Variants in FOXP2 observed in about 807,000 individuals in gnomAD.
FOXP2 encodes forkhead box protein P2.
A neutral mutation model predicts 115.8 loss-of-function variants in FOXP2; 12 were observed. The ratio of observed to expected loss-of-function variants is 0.10; its 90% confidence interval spans 0.07 to 0.17. The LOEUF is 0.17. Ranked by LOEUF, FOXP2 falls within the 10% of genes least tolerant of loss-of-function variation. The probability of loss-of-function intolerance (pLI) is 1.00; values close to 1 mark genes in which losing one functional copy is unlikely to be tolerated. For synonymous variants in FOXP2, 328 were observed against 297.7 expected, an observed-to-expected ratio of 1.10 and a Z score of -1.05; for missense variants, 629 against 843.5, an observed-to-expected ratio of 0.75 and a Z score of 3.15.
chr7:114,264,778 C>A (rs914483730), intron 1 of FOXP2, among the ~76,000 whole-genome samples: 1 of 152,042 alleles, frequency 6.6e-6, no homozygotes, highest in African/African-American at 2.4e-5. Flanking sequence ...CCTCAGGGAG[C>A]TTTTACTCAT....
intron 1 of FOXP2, among the ~76,000 whole-genome samples, chr7:114,123,400 A>G (rs1340659672): frequency 6.6e-6 from 1 of 151,472 alleles, no homozygotes; most frequent in African/African-American, 2.4e-5. Flanking sequence ...AAGAACCACC[A>G]TATTTCTGAG....
At chr7:114,158,602 T>C (rs1792735450), upstream of FOXP2, among the ~76,000 whole-genome samples, 1 of 152,138 alleles carries the variant, frequency 6.6e-6, no homozygotes, top group African/African-American at 2.4e-5. Context: ...CCTTGCCTAA[T>C]TAATATTTTT....
chr7:114,550,791 A>ATT (rs1341225599), intron 3 of FOXP2, among the ~76,000 whole-genome samples: 1 of 152,200 alleles, frequency 6.6e-6, no homozygotes, highest in Admixed American at 6.5e-5. Context: ...AATAGCCTTA[A>ATT]TTTACAGTAT....
At chr7:114,573,591 T>A (rs1801428297) in intron 3 of FOXP2, among the ~76,000 whole-genome samples, 1 of 151,794 alleles carries the variant, frequency 6.6e-6, no homozygotes, top group Admixed American at 6.6e-5. Flanking sequence ...CCCTACATAA[T>A]GCCTATCAAA....
At chr7:114,198,557 G>T (rs986882658) in intron 1 of FOXP2, among the ~76,000 whole-genome samples, 1 of 152,172 alleles carries the variant, frequency 6.6e-6, no homozygotes, top group African/African-American at 2.4e-5. Context: ...AATAGGGCTC[G>T]CACTTCCGTG....
chr7:114,313,272 C>T (rs946108182), intron 2 of FOXP2, among the ~76,000 whole-genome samples: 2 of 152,152 alleles, frequency 1.3e-5, no homozygotes, highest in African/African-American at 4.8e-5. Flanking sequence ...TTATTTGGCT[C>T]AGTGGTAACA....
chr7:114,280,652 C>T (rs1308153716), intron 1 of FOXP2, among the ~76,000 whole-genome samples: 1 of 151,882 alleles, frequency 6.6e-6, no homozygotes, highest in Non-Finnish European at 1.5e-5. Flanking sequence ...ATTTTATTGC[C>T]AGTAATATTT....
chr7:114,684,359 G>A (rs1431712682), intron 16 of FOXP2, among the ~76,000 whole-genome samples: 3 of 152,164 alleles, frequency 2.0e-5, no homozygotes, highest in Non-Finnish European at 4.4e-5. Context: ...GGACCTCCGA[G>A]GTCTTCTCAA....
chr7:114,455,348 A>G lies in FOXP2; in HGVS notation c.168+28669A>G, dbSNP rs532196968. On this transcript the variant is annotated intron_variant, in intron 2 of 16. Transcript: ENST00000350908. Reference sequence around the variant, plus strand: ...AATGCTAAGTCTTTTTCCTAACCATATCTAGAACCATTTGCCATTGTGTAT... The same window carrying G: ...AATGCTAAGTCTTTTTCCTAACCATGTCTAGAACCATTTGCCATTGTGTAT... Among the ~76,000 whole-genome samples, 5 of 152,286 alleles carry G rather than the reference A, an allele frequency of 3.3e-5. No homozygotes were observed. The South Asian group carries it at 1.0e-3, about 32-fold the overall frequency.
At chr7:114,187,893 G>A (rs183561662) in intron 1 of FOXP2, among the ~76,000 whole-genome samples, 3 of 152,290 alleles carry the variant, frequency 2.0e-5, no homozygotes, top group Admixed American at 2.0e-4. Context: ...GAATGGTTTA[G>A]AGAGAGCGAA....
chr7:114,146,963 A>T (rs1792387127), intron 1 of FOXP2, among the ~76,000 whole-genome samples: 1 of 152,176 alleles, frequency 6.6e-6, no homozygotes, highest in South Asian at 2.1e-4. Context: ...TAGATGAATA[A>T]TCTTAGCAGT....
intron 1 of FOXP2, among the ~76,000 whole-genome samples, chr7:114,244,452 G>A (rs1416202047): frequency 6.6e-6 from 1 of 152,068 alleles, no homozygotes; most frequent in Admixed American, 6.5e-5. Context: ...ATTGTTTTGA[G>A]AATATCTGTA....
At chr7:114,317,894 C>T (rs1322231744) in intron 2 of FOXP2, among the ~76,000 whole-genome samples, 1 of 152,222 alleles carries the variant, frequency 6.6e-6, no homozygotes, top group Admixed American at 6.5e-5. Flanking sequence ...TATGCTCCCA[C>T]CTCGGGGCCT....
At chr7:114,513,861 CA>C (rs1267282711) in intron 2 of FOXP2, among the ~76,000 whole-genome samples, 2 of 151,862 alleles carry the variant, frequency 1.3e-5, no homozygotes, top group Admixed American at 6.6e-5. Flanking sequence ...ATATCACAAA[CA>C]AAAGGCATAC....
At chr7:114,165,961 A>G (rs1792971256) in intron 1 of FOXP2, among the ~76,000 whole-genome samples, 1 of 152,238 alleles carries the variant, frequency 6.6e-6, no homozygotes, top group African/African-American at 2.4e-5. Flanking sequence ...ACCCACACAA[A>G]TATAGTCAAT....
intron 16 of FOXP2, among the ~76,000 whole-genome samples, chr7:114,682,782 A>G (rs1808163493): frequency 6.6e-6 from 1 of 152,182 alleles, no homozygotes; most frequent in Admixed American, 6.5e-5. Context: ...ATAACTTGAC[A>G]AGTGAAAACA....
At chr7:114,646,358 C>G (rs533730091) in intron 8 of FOXP2, among the ~76,000 whole-genome samples, 1 of 152,006 alleles carries the variant, frequency 6.6e-6, no homozygotes, top group Non-Finnish European at 1.5e-5. Flanking sequence ...TTGTTTATAG[C>G]AAATTGAAAG....
At chr7:114,659,940 A>G (rs1434852354) in intron 13 of FOXP2, among the ~76,000 whole-genome samples, 1 of 152,210 alleles carries the variant, frequency 6.6e-6, no homozygotes, top group Non-Finnish European at 1.5e-5. Context: ...TGAGCACTCA[A>G]TCATCAACAC....
intron 2 of FOXP2, among the ~76,000 whole-genome samples, chr7:114,371,540 T>G (rs1792008323): frequency 6.6e-6 from 1 of 152,148 alleles, no homozygotes. Context: ...AGATATATGC[T>G]TTTCAGAGTG....
Sources: allele counts gnomAD v4.1 joint callset (sites outside exome capture counted in the v4.1 genomes callset), GRCh38; gene constraint gnomAD v4.1.1; transcripts MANE v1.5; gene names NCBI Gene and HGNC (gene_info 2026-07-23, HGNC 2026-07-21).